PSD3: variants seen among roughly 807,000 people sequenced by gnomAD.
PSD3 encodes the protein PH and SEC7 domain-containing protein 3.
Under a neutral mutation model 105.5 loss-of-function variants are expected in PSD3, and 49 were observed. That is an observed-to-expected ratio of 0.46 (90% CI 0.37 to 0.59). PSD3 has a LOEUF of 0.59. PSD3 is among the 20% of genes least tolerant of loss of function. The pLI is 0.00. For synonymous variants in PSD3, 557 were observed against 457.8 expected, an observed-to-expected ratio of 1.22 and a Z score of -2.77; for missense variants, 1,561 against 1,263.8, an observed-to-expected ratio of 1.24 and a Z score of -3.57.
intron 1 of PSD3, among the ~76,000 whole-genome samples, chr8:19,019,260 T>A (rs919180117): frequency 1.3e-5 from 2 of 151,964 alleles, no homozygotes; most frequent in African/African-American, 2.4e-5. Context: ...CATTTTTTTT[T>A]ATCTCTATTA....
chr8:18,854,248 G>C (rs534578430), intron 4 of PSD3: 1 of 152,820 alleles, frequency 6.5e-6, no homozygotes, highest in East Asian at 1.9e-4. Context: ...GCTACACACT[G>C]ACTCCGCAGT....
intron 4 of PSD3, among the ~76,000 whole-genome samples, chr8:18,864,351 CT>C (rs2129455914): frequency 6.6e-6 from 1 of 152,256 alleles, no homozygotes; most frequent in South Asian, 2.1e-4. Flanking sequence ...CTAATAGTTC[CT>C]TTCTTCCCCC....
At chr8:18,663,163 C>T (rs191381872) in intron 9 of PSD3, among the ~76,000 whole-genome samples, 56 of 152,290 alleles carry the variant, frequency 3.7e-4, no homozygotes, top group African/African-American at 1.3e-3. Context: ...CGCAGTGGCT[C>T]ACAAATGTAA....
intron 4 of PSD3, among the ~76,000 whole-genome samples, chr8:18,819,914 G>A (rs1812551715): frequency 6.6e-6 from 1 of 152,184 alleles, no homozygotes. Context: ...TGTGAACCCT[G>A]GCAGCCAGGT....
chr8:18,691,532 G>A (rs1800972992), intron 9 of PSD3, among the ~76,000 whole-genome samples: 1 of 152,210 alleles, frequency 6.6e-6, no homozygotes, highest in African/African-American at 2.4e-5. Context: ...TGTGCTACAA[G>A]AAGGTATTCT....
intron 12 of PSD3, among the ~76,000 whole-genome samples, chr8:18,591,200 T>C (rs939551501): frequency 4.6e-5 from 7 of 151,978 alleles, no homozygotes; most frequent in Admixed American, 2.0e-4. Context: ...CATCAACCCC[T>C]CCCTGAAGCT....
chr8:18,996,712 T>A (rs1563496058), intron 1 of PSD3, among the ~76,000 whole-genome samples: 1 of 151,934 alleles, frequency 6.6e-6, no homozygotes, highest in Non-Finnish European at 1.5e-5. Context: ...TGCAGCTACA[T>A]TTCTCACATT....
intron 1 of PSD3, among the ~76,000 whole-genome samples, chr8:18,986,122 T>G (rs1182421150): frequency 6.6e-6 from 1 of 152,148 alleles, no homozygotes; most frequent in East Asian, 1.9e-4. Flanking sequence ...AAAATGAATT[T>G]AGGAGTTTTA....
chr8:18,987,926 GT>G (rs1825590982), intron 1 of PSD3, among the ~76,000 whole-genome samples: 1 of 152,138 alleles, frequency 6.6e-6, no homozygotes, highest in Non-Finnish European at 1.5e-5. Flanking sequence ...TAGGCTTTAA[GT>G]TTTTCATTCT....
intron 4 of PSD3, among the ~76,000 whole-genome samples, chr8:18,838,568 G>A (rs543854269): frequency 2.0e-5 from 3 of 152,092 alleles, no homozygotes; most frequent in African/African-American, 2.4e-5. Flanking sequence ...TTGGGAGGCC[G>A]AGGCGGGCGG....
chr8:18,768,426 CT>C (rs966377061), intron 8 of PSD3, among the ~76,000 whole-genome samples: 35 of 152,052 alleles, frequency 2.3e-4, no homozygotes, highest in African/African-American at 7.7e-4. Context: ...GGTAACATCC[CT>C]CTCTAGAAAC....
chr8:18,986,493 TTTTTCTGC>T (rs1175524163), intron 1 of PSD3, among the ~76,000 whole-genome samples: 2 of 151,978 alleles, frequency 1.3e-5, no homozygotes, highest in African/African-American at 4.8e-5. Flanking sequence ...TCTCTCTGGC[TTTTTCTGC>T]TTCACTACAC....
At chr8:19,022,340 C>T (rs941155056) in intron 1 of PSD3, among the ~76,000 whole-genome samples, 1 of 152,176 alleles carries the variant, frequency 6.6e-6, no homozygotes, top group African/African-American at 2.4e-5. Context: ...GTCCTATGTA[C>T]CCACTGGAAC....
intron 15 of PSD3, among the ~76,000 whole-genome samples, chr8:18,544,723 G>A (rs1330213911): frequency 1.3e-5 from 2 of 152,162 alleles, no homozygotes; most frequent in African/African-American, 2.4e-5. Context: ...AGTCCAGGAG[G>A]CCTGGGTCTG....
At chr8:18,605,444 C>G (rs750583998) in intron 11 of PSD3, among the ~76,000 whole-genome samples, 2 of 151,866 alleles carry the variant, frequency 1.3e-5, no homozygotes, top group Non-Finnish European at 2.9e-5. Context: ...CCCATTGTAT[C>G]TTGGGAGTAA....
chr8:18,593,902 G>C lies in PSD3; in HGVS notation c.2481+6462C>G, dbSNP rs1382883955. Reference sequence around the variant, plus strand: ...AAAAACCAAACACCGCATGCTCTCAGTCATAGGTGGGAATTGAACAATGAG... The same window carrying C: ...AAAAACCAAACACCGCATGCTCTCACTCATAGGTGGGAATTGAACAATGAG... On this transcript the variant is annotated intron_variant, in intron 12 of 15. Transcript: ENST00000327040. Among the ~76,000 whole-genome samples, 4 of 137,378 alleles carry C rather than the reference G, an allele frequency of 2.9e-5. No individual in the cohort carries two copies. The East Asian group carries it at 6.5e-4, about 22-fold the overall frequency. The allele number at this position is 137,378 out of a possible 152,430, so 90.1% of individuals were successfully genotyped here.
chr8:18,782,180 T>C (rs906220108), intron 8 of PSD3, among the ~76,000 whole-genome samples: 14 of 152,170 alleles, frequency 9.2e-5, no homozygotes, highest in African/African-American at 3.1e-4. Flanking sequence ...TTTTTAATAT[T>C]GGCATCTGTT....
intron 8 of PSD3, among the ~76,000 whole-genome samples, chr8:18,772,842 A>G (rs1807669696): frequency 6.6e-6 from 1 of 152,176 alleles, no homozygotes. Context: ...CTTTGGATAA[A>G]TATCTATTAA....
intron 1 of PSD3, among the ~76,000 whole-genome samples, chr8:18,971,364 A>G (rs887939675): frequency 6.6e-6 from 1 of 152,160 alleles, no homozygotes; most frequent in Non-Finnish European, 1.5e-5. Context: ...CCCTCAGTGG[A>G]CAGTCCCCTC....
Sources: gnomAD v4.1 joint callset for allele counts (sites outside exome capture counted in the v4.1 genomes callset) on GRCh38, gnomAD v4.1.1 for gene constraint, MANE v1.5 for transcripts, NCBI Gene and HGNC (gene_info 2026-07-23, HGNC 2026-07-21) for gene names.